The following KIAA1549L variants were observed in gnomAD, a reference collection of about 807,000 sequenced individuals.
KIAA1549L encodes the protein UPF0606 protein KIAA1549L.
Under a neutral mutation model 160.7 loss-of-function variants are expected in KIAA1549L, and 88 were observed. That is an observed-to-expected ratio of 0.55 (90% CI 0.46 to 0.65). The LOEUF (loss-of-function observed/expected upper bound fraction) is 0.65, where lower values mean the gene tolerates loss of function less well. Ranked by LOEUF, KIAA1549L falls within the 30% of genes least tolerant of loss-of-function variation. KIAA1549L has a pLI of 0.00. For missense variants in KIAA1549L, 2,258 were observed against 2,437.5 expected (o/e 0.93, Z 1.55); for synonymous variants, 950 against 976.7 (o/e 0.97, Z 0.51).
At chr11:33,538,252 C>A (rs1161833507) in intron 1 of KIAA1549L, among the ~76,000 whole-genome samples, 1 of 152,118 alleles carries the variant, frequency 6.6e-6, no homozygotes, top group East Asian at 1.9e-4. Context: ...CCTGGTCTTT[C>A]CCTTGACATG....
At chr11:33,469,369 C>T (rs1852129770) in intron 1 of KIAA1549L, among the ~76,000 whole-genome samples, 1 of 152,086 alleles carries the variant, frequency 6.6e-6, no homozygotes, top group East Asian at 1.9e-4. Context: ...GTACTTTACT[C>T]CTTTTTATTG....
intron 1 of KIAA1549L, among the ~76,000 whole-genome samples, chr11:33,499,718 C>T (rs1471517395): frequency 1.3e-5 from 2 of 152,178 alleles, no homozygotes. Context: ...ACATTGTAAT[C>T]GTTTTGGGTT....
intron 15 of KIAA1549L, among the ~76,000 whole-genome samples, chr11:33,613,533 G>A (rs1850701695): frequency 6.6e-6 from 1 of 152,172 alleles, no homozygotes; most frequent in Admixed American, 6.5e-5. Flanking sequence ...GGAAGGAAAA[G>A]CAGAAGCAAA....
intron 16 of KIAA1549L, among the ~76,000 whole-genome samples, chr11:33,620,029 G>GTT (rs56699912): frequency 2.6e-5 from 4 of 152,068 alleles, no homozygotes; most frequent in African/African-American, 9.7e-5. Flanking sequence ...CATTAATAGG[G>GTT]TTTTTTAGTG....
chr11:33,450,069 A>G (rs1851688977), intron 1 of KIAA1549L, among the ~76,000 whole-genome samples: 1 of 152,216 alleles, frequency 6.6e-6, no homozygotes, highest in Admixed American at 6.5e-5. Context: ...GCTTTTCCTT[A>G]GATGAAAATT....
intron 1 of KIAA1549L, among the ~76,000 whole-genome samples, chr11:33,409,534 CTG>C (rs1453911557): frequency 3.3e-5 from 5 of 152,202 alleles, no homozygotes; most frequent in Non-Finnish European, 2.9e-5. Context: ...ATGTCACACA[CTG>C]TGGATTGTGA....
chr11:33,646,537 T>G (rs1433497192), intron 17 of KIAA1549L, among the ~76,000 whole-genome samples: 1 of 152,156 alleles, frequency 6.6e-6, no homozygotes, highest in Non-Finnish European at 1.5e-5. Context: ...AATGAAAAAT[T>G]TTGAAAACCT....
chr11:33,535,438 C>T (rs1272375248), intron 1 of KIAA1549L, among the ~76,000 whole-genome samples: 1 of 152,062 alleles, frequency 6.6e-6, no homozygotes, highest in Non-Finnish European at 1.5e-5. Flanking sequence ...TTTGGGAGGT[C>T]ATGGCGGGAA....
chr11:33,406,226 G>GA (rs1403706529), intron 1 of KIAA1549L, among the ~76,000 whole-genome samples: 1 of 152,158 alleles, frequency 6.6e-6, no homozygotes, highest in Non-Finnish European at 1.5e-5. Context: ...AGAGAAGAGG[G>GA]AAAAAAATTA....
intron 16 of KIAA1549L, among the ~76,000 whole-genome samples, chr11:33,625,810 T>G (rs1851094245): frequency 6.6e-6 from 1 of 152,172 alleles, no homozygotes; most frequent in Non-Finnish European, 1.5e-5. Flanking sequence ...TTGCTTTTGG[T>G]GTTTTAGACA....
chr11:33,507,614 A>G (rs1376991028), intron 1 of KIAA1549L, among the ~76,000 whole-genome samples: 1 of 152,168 alleles, frequency 6.6e-6, no homozygotes, highest in Non-Finnish European at 1.5e-5. Flanking sequence ...CCCTGGCAGT[A>G]GCTTGCCAAC....
At chr11:33,413,248 G>T (rs1432626431) in intron 1 of KIAA1549L, among the ~76,000 whole-genome samples, 1 of 147,226 alleles carries the variant, frequency 6.8e-6, no homozygotes, top group African/African-American at 2.5e-5. Context: ...AAACTTATTT[G>T]AACACAGATT....
chr11:33,522,760 C>T (rs1354066351), intron 1 of KIAA1549L, among the ~76,000 whole-genome samples: 1 of 152,006 alleles, frequency 6.6e-6, no homozygotes, highest in African/African-American at 2.4e-5. Context: ...TTAGTTGGGC[C>T]TGGTGGCGTA....
intron 13 of KIAA1549L, among the ~76,000 whole-genome samples, chr11:33,600,417 G>C (rs988866417): frequency 6.6e-6 from 1 of 152,248 alleles, no homozygotes; most frequent in East Asian, 1.9e-4. Flanking sequence ...GAGAGAGTGA[G>C]GTGACAGCAG....
At chr11:33,384,741 C>T (rs1018720039) in intron 1 of KIAA1549L, among the ~76,000 whole-genome samples, 1 of 152,094 alleles carries the variant, frequency 6.6e-6, no homozygotes, top group Non-Finnish European at 1.5e-5. Flanking sequence ...CATGTTCTTA[C>T]TTGCCATCTA....
chr11:33,551,827 A>G (rs943495897), intron 5 of KIAA1549L, among the ~76,000 whole-genome samples: 1 of 152,220 alleles, frequency 6.6e-6, no homozygotes, highest in Non-Finnish European at 1.5e-5. Flanking sequence ...GTGATTTGTC[A>G]GTCTTTGAGC....
intron 1 of KIAA1549L, among the ~76,000 whole-genome samples, chr11:33,486,630 T>TAGG (rs139342093): frequency 0.019 from 2,827 of 152,322 alleles, 79 homozygotes; most frequent in African/African-American, 0.062. Flanking sequence ...TGATTTCTGA[T>TAGG]AGAGACACCA....
intron 1 of KIAA1549L, among the ~76,000 whole-genome samples, chr11:33,488,540 C>A (rs1475651022): frequency 6.6e-6 from 1 of 152,108 alleles, no homozygotes; most frequent in East Asian, 1.9e-4. Context: ...TTTTAGGAGC[C>A]TTCTCTGTAT....
At chr11:33,417,435 G>C (rs907091319) in intron 1 of KIAA1549L, among the ~76,000 whole-genome samples, 1 of 152,058 alleles carries the variant, frequency 6.6e-6, no homozygotes. Context: ...AAAGGTGCTG[G>C]TTATCACCTA....
Sources: allele counts gnomAD v4.1 joint callset (sites outside exome capture counted in the v4.1 genomes callset), GRCh38; gene constraint gnomAD v4.1.1; transcripts MANE v1.5; gene names NCBI Gene and HGNC (gene_info 2026-07-23, HGNC 2026-07-21).